Variants in CTNNA2 observed in about 807,000 individuals in gnomAD.
CTNNA2 encodes catenin alpha 2.
CTNNA2 carries 42 observed loss-of-function variants against 101.0 expected under a neutral mutation model. The observed-to-expected ratio is 0.42, with a 90% CI of 0.32 to 0.54. The LOEUF (loss-of-function observed/expected upper bound fraction) is 0.54, where lower values mean the gene tolerates loss of function less well. CTNNA2 is among the 20% of genes least tolerant of loss of function. The pLI is 0.14. For missense variants in CTNNA2, 871 were observed against 1,223.1 expected (o/e 0.71, Z 4.29); for synonymous variants, 450 against 456.4 (o/e 0.99, Z 0.18).
chr2:79,533,164 A>G (rs2103945025), intron 1 of CTNNA2, among the ~76,000 whole-genome samples: 1 of 151,976 alleles, frequency 6.6e-6, no homozygotes, highest in South Asian at 2.1e-4. Context: ...TAACTGCTAT[A>G]TCCCTTTATC....
intron 4 of CTNNA2, among the ~76,000 whole-genome samples, chr2:79,420,929 A>C: frequency 6.6e-6 from 1 of 152,128 alleles, no homozygotes; most frequent in East Asian, 1.9e-4. Context: ...TAAGTGTCTA[A>C]ACTGATAAGT....
At chr2:79,878,397 C>T (rs931012018) in intron 6 of CTNNA2, among the ~76,000 whole-genome samples, 12 of 152,352 alleles carry the variant, frequency 7.9e-5, no homozygotes, top group Middle Eastern at 3.4e-3. Context: ...GCCATACTGT[C>T]TTCCACAATA....
intron 2 of CTNNA2, among the ~76,000 whole-genome samples, chr2:79,715,751 T>C (rs1686053344): frequency 6.6e-6 from 1 of 152,130 alleles, no homozygotes; most frequent in Admixed American, 6.6e-5. Flanking sequence ...TGTATAAATA[T>C]GGAGCCATTG....
At position 80,118,523 on chromosome 2, in the gene CTNNA2, C is replaced by T. The variant is rs566991426; in HGVS notation, c.1056+208726C>T. ...TTGATTGCAGGTATCAGCACACAAA[C>T]GTTGACTGAAACTGGGTTTCTTTTG... On this transcript the variant is annotated intron_variant, in intron 7 of 18. Transcript: ENST00000402739. Among the ~76,000 whole-genome samples the T allele has an allele frequency of 1.8e-4, 27 of 152,286 alleles. No individual in the cohort carries two copies. In the South Asian group the frequency reaches 3.3e-3, roughly 19 times the overall value.
At chr2:80,005,502 T>G (rs2103984997) in intron 7 of CTNNA2, among the ~76,000 whole-genome samples, 1 of 152,320 alleles carries the variant, frequency 6.6e-6, no homozygotes, top group African/African-American at 2.4e-5. Flanking sequence ...TTCGCTGTTC[T>G]TCATTTGTTT....
chr2:79,322,088 A>T (rs752441232), intron 3 of CTNNA2, among the ~76,000 whole-genome samples: 9 of 152,206 alleles, frequency 5.9e-5, no homozygotes, highest in Non-Finnish European at 1.2e-4. Context: ...GGGAACAATT[A>T]ATAATTCAAA....
chr2:79,562,434 A>G (rs1674838938), intron 1 of CTNNA2, among the ~76,000 whole-genome samples: 1 of 151,996 alleles, frequency 6.6e-6, no homozygotes, highest in African/African-American at 2.4e-5. Context: ...TTGTTCATTT[A>G]TGTTCTTAGT....
At chr2:79,409,952 G>T (rs79807158) in intron 4 of CTNNA2, among the ~76,000 whole-genome samples, 232 of 143,312 alleles carry the variant, frequency 1.6e-3, no homozygotes, top group Middle Eastern at 3.8e-3. Flanking sequence ...GTTCTTCCAT[G>T]TCTTTGTATC....
Position 80,592,526 on chromosome 2 carries a change from A to G in CTNNA2, c.2189+3041A>G, listed in dbSNP as rs1208799345. On this transcript the variant is annotated intron_variant, in intron 15 of 18. Coordinates refer to ENST00000402739, the MANE Select transcript of CTNNA2 (RefSeq NM_001282597.3). ...AGTACCTGGAATAGTTCAACTTGTG[A>G]TTCTGCAGTTCCACCTGAGTTCTCG... 3.3e-5 allele frequency among the ~76,000 whole-genome samples: 5 copies of G among 152,176 alleles called. No homozygotes were observed. In the East Asian group the frequency reaches 9.6e-4, roughly 29 times the overall value.
At chr2:80,377,089 C>G (rs1676027185) in intron 7 of CTNNA2, among the ~76,000 whole-genome samples, 1 of 152,174 alleles carries the variant, frequency 6.6e-6, no homozygotes, top group Non-Finnish European at 1.5e-5. Context: ...TCTCCTTTTT[C>G]ATTTGCCTCA....
At chr2:80,096,877 C>G (rs1700189258) in intron 7 of CTNNA2, among the ~76,000 whole-genome samples, 1 of 152,086 alleles carries the variant, frequency 6.6e-6, no homozygotes, top group South Asian at 2.1e-4. Flanking sequence ...TCGTCCATCC[C>G]TTTATTTTGA....
chr2:79,905,498 A>C (rs1685359001), intron 6 of CTNNA2, among the ~76,000 whole-genome samples: 1 of 152,202 alleles, frequency 6.6e-6, no homozygotes, highest in Non-Finnish European at 1.5e-5. Context: ...TTTTGCTGCG[A>C]AGGGAGAGAC....
chr2:79,571,870 A>G (rs531237583), intron 1 of CTNNA2, among the ~76,000 whole-genome samples: 1 of 151,996 alleles, frequency 6.6e-6, no homozygotes, highest in Non-Finnish European at 1.5e-5. Flanking sequence ...CTCTTTCACT[A>G]TGACCACCTT....
chr2:80,482,501 A>G (rs1180382025), intron 9 of CTNNA2, among the ~76,000 whole-genome samples: 2 of 152,252 alleles, frequency 1.3e-5, no homozygotes, highest in East Asian at 3.9e-4. Flanking sequence ...GAAAGCAACT[A>G]TAGACAATAG....
intron 3 of CTNNA2, among the ~76,000 whole-genome samples, chr2:79,350,757 G>T (rs1363331449): frequency 6.6e-6 from 1 of 152,164 alleles, no homozygotes; most frequent in Non-Finnish European, 1.5e-5. Flanking sequence ...CTCACAAACA[G>T]TGTATAGTCA....
intron 7 of CTNNA2, among the ~76,000 whole-genome samples, chr2:80,125,391 A>G (rs1662062700): frequency 6.6e-6 from 1 of 152,136 alleles, no homozygotes; most frequent in Non-Finnish European, 1.5e-5. Context: ...AGTGACAAGG[A>G]CTATCTCTGA....
intron 2 of CTNNA2, among the ~76,000 whole-genome samples, chr2:79,218,990 GTCTT>G (rs1415237806): frequency 1.3e-5 from 2 of 152,124 alleles, no homozygotes; most frequent in Non-Finnish European, 2.9e-5. Flanking sequence ...ATATTATGAT[GTCTT>G]TCTTTCTATG....
chr2:79,742,176 A>C (rs1671331998), intron 2 of CTNNA2, among the ~76,000 whole-genome samples: 1 of 152,208 alleles, frequency 6.6e-6, no homozygotes, highest in Admixed American at 6.5e-5. Context: ...TAATGCAGTA[A>C]TGCACCATGA....
At chr2:79,995,723 G>A (rs1390278447) in intron 7 of CTNNA2, among the ~76,000 whole-genome samples, 1 of 152,102 alleles carries the variant, frequency 6.6e-6, no homozygotes, top group Non-Finnish European at 1.5e-5. Context: ...TGAGGTGGGA[G>A]GATCCTTTGA....
Sources: allele counts gnomAD v4.1 joint callset (sites outside exome capture counted in the v4.1 genomes callset), GRCh38; gene constraint gnomAD v4.1.1; transcripts MANE v1.5; gene names NCBI Gene and HGNC (gene_info 2026-07-23, HGNC 2026-07-21).